TRPM6: variants seen among roughly 807,000 people sequenced by gnomAD.
TRPM6 encodes transient receptor potential cation channel subfamily M member 6, also known as channel kinase 2.
Under a neutral mutation model 247.6 loss-of-function variants are expected in TRPM6, and 111 were observed. The ratio of observed to expected loss-of-function variants is 0.45; its 90% CI spans 0.38 to 0.52. The LOEUF is 0.52. Ranked by LOEUF, TRPM6 falls within the 20% of genes least tolerant of loss-of-function variation. The probability of loss-of-function intolerance (pLI) is 0.00; values close to 1 mark genes in which losing one functional copy is unlikely to be tolerated. For synonymous variants in TRPM6, 892 were observed against 853.8 expected (o/e 1.04, Z -0.78); for missense variants, 2,126 against 2,421.5 (o/e 0.88, Z 2.56).
chr9:74,777,363 G>T (rs1321288478), intron 23 of TRPM6, among the ~76,000 whole-genome samples: 1 of 152,168 alleles, frequency 6.6e-6, no homozygotes, highest in Non-Finnish European at 1.5e-5. Flanking sequence ...CAAGTAGTCA[G>T]ATCTGGGGTT....
At chr9:74,833,915 C>A (rs953698243) in intron 6 of TRPM6, 83 bp downstream of exon 6, 5 of 1,560,862 alleles carry the variant, frequency 3.2e-6, no homozygotes, top group Non-Finnish European at 3.5e-6. Context: ...AATGTTCATT[C>A]ATTAGACATC....
intron 35 of TRPM6, among the ~76,000 whole-genome samples, 160 bp from the exon 36 acceptor site, chr9:74,738,772 T>A (rs1043030012): frequency 6.6e-6 from 1 of 152,112 alleles, no homozygotes; most frequent in Non-Finnish European, 1.5e-5. Context: ...GATGCAAATA[T>A]TGGGAATTTT....
intron 9 of TRPM6, among the ~76,000 whole-genome samples, chr9:74,818,449 C>T (rs1318019660): frequency 1.3e-5 from 2 of 151,492 alleles, no homozygotes; most frequent in African/African-American, 4.8e-5. Context: ...ATTATAGGCA[C>T]CCGCCACTAT....
chr9:74,729,299 G>A (rs764915267), intron 37 of TRPM6, among the ~76,000 whole-genome samples: 33 of 152,156 alleles, frequency 2.2e-4, no homozygotes, highest in Non-Finnish European at 4.4e-4. Flanking sequence ...AATAAACTTC[G>A]CTTCTAAGGA....
At chr9:74,765,944 T>C (rs933616389) in intron 25 of TRPM6, among the ~76,000 whole-genome samples, 45 of 152,318 alleles carry the variant, frequency 3.0e-4, no homozygotes, top group Middle Eastern at 3.4e-3. Context: ...AACAAATGCT[T>C]CCTGACCTTC....
In TRPM6 at chr9:74,884,690, A is replaced by G. The variant is rs116345998; in HGVS notation, c.33+3134T>C. ...TTTGAATTATTTACAACAAGAAATT[A>G]TTTTTATATTGTTAGTGACAAAGTT... On this transcript the variant is annotated intron_variant, in intron 1 of 38. Transcript: ENST00000360774. Among the ~76,000 whole-genome samples, 820 of 152,284 alleles carry G rather than the reference A, an allele frequency of 5.4e-3. 10 individuals are homozygous for G. Among genetic ancestry groups the G allele is most frequent in the African/African-American group, 0.019 (786 of 41,546 alleles).
At chr9:74,853,559 C>T (rs1830430756) in intron 3 of TRPM6, among the ~76,000 whole-genome samples, 1 of 152,114 alleles carries the variant, frequency 6.6e-6, no homozygotes, top group Non-Finnish European at 1.5e-5. Context: ...TAACCTTACC[C>T]CCAACCCTGT....
intron 31 of TRPM6, among the ~76,000 whole-genome samples, chr9:74,744,856 G>A (rs1029499551): frequency 2.6e-5 from 4 of 152,196 alleles, no homozygotes; most frequent in Admixed American, 1.3e-4. Context: ...GCAGCATAAT[G>A]AGCCCAATTT....
intron 21 of TRPM6, among the ~76,000 whole-genome samples, chr9:74,784,489 T>A (rs1827576925): frequency 6.6e-6 from 1 of 152,192 alleles, no homozygotes; most frequent in African/African-American, 2.4e-5. Flanking sequence ...TAATACATAC[T>A]AATTACCTAG....
At chr9:74,885,812 G>C (rs1169672576) in intron 1 of TRPM6, among the ~76,000 whole-genome samples, 1 of 152,152 alleles carries the variant, frequency 6.6e-6, no homozygotes, top group Admixed American at 6.6e-5. Context: ...AGTGGCTCAG[G>C]CCTGTAATCT....
intron 36 of TRPM6, among the ~76,000 whole-genome samples, 162 bp from the exon 37 acceptor site, chr9:74,732,898 C>T (rs1262517745): frequency 6.6e-6 from 1 of 152,066 alleles, no homozygotes; most frequent in Non-Finnish European, 1.5e-5. Context: ...GCAATACTGG[C>T]AAGTAAAAAA....
At chr9:74,763,637 TA>T (rs201643380) in intron 25 of TRPM6, among the ~76,000 whole-genome samples, 8 of 150,092 alleles carry the variant, frequency 5.3e-5, no homozygotes, top group South Asian at 2.1e-4. Context: ...TCTTTAAAAT[TA>T]AAAAAAAAAT....
intron 19 of TRPM6, among the ~76,000 whole-genome samples, chr9:74,791,917 C>T (rs945455269): frequency 1.3e-5 from 2 of 152,102 alleles, no homozygotes; most frequent in African/African-American, 2.4e-5. Context: ...CCATCACGCC[C>T]GGCTACTTTT....
At chr9:74,798,499 C>T (rs1047387035) in intron 17 of TRPM6, among the ~76,000 whole-genome samples, 5 of 152,132 alleles carry the variant, frequency 3.3e-5, no homozygotes, top group African/African-American at 9.7e-5. Context: ...CCTGAAGAGG[C>T]CCCACATTCT....
intron 25 of TRPM6, among the ~76,000 whole-genome samples, chr9:74,771,235 A>C (rs1203540696): frequency 6.6e-6 from 1 of 152,172 alleles, no homozygotes; most frequent in East Asian, 1.9e-4. Flanking sequence ...GACCATCTAA[A>C]CAGTCCACTC....
chr9:74,770,993 A>C (rs1404502465), intron 25 of TRPM6, among the ~76,000 whole-genome samples: 1 of 152,106 alleles, frequency 6.6e-6, no homozygotes, highest in Non-Finnish European at 1.5e-5. Context: ...ACTCCACTGC[A>C]CAACAACCGC....
chr9:74,839,456 C>A (rs2118182265), intron 5 of TRPM6, among the ~76,000 whole-genome samples: 1 of 152,164 alleles, frequency 6.6e-6, no homozygotes, highest in South Asian at 2.1e-4. Context: ...TCTACTCATG[C>A]CCAAAACACG....
chr9:74,757,427 G>A (rs948030678), intron 27 of TRPM6, among the ~76,000 whole-genome samples: 2 of 151,612 alleles, frequency 1.3e-5, no homozygotes, highest in Admixed American at 6.6e-5. Flanking sequence ...TCAGCTGGGC[G>A]GGGTGGCACA....
intron 7 of TRPM6, among the ~76,000 whole-genome samples, chr9:74,822,633 T>C (rs1829170993): frequency 6.6e-6 from 1 of 152,106 alleles, no homozygotes; most frequent in African/African-American, 2.4e-5. Context: ...TTGCCATTTA[T>C]TTCATTTTTT....
Sources: allele counts gnomAD v4.1 joint callset (sites outside exome capture counted in the v4.1 genomes callset), GRCh38; gene constraint gnomAD v4.1.1; transcripts MANE v1.5; gene names NCBI Gene and HGNC (gene_info 2026-07-23, HGNC 2026-07-21).